Variants in DPYD observed in about 807,000 individuals in gnomAD.
DPYD encodes the protein dihydropyrimidine dehydrogenase, also known as dihydropyrimidine dehydrogenase [NADP(+)].
DPYD carries 109 observed loss-of-function variants against 116.2 expected under a neutral mutation model. The observed-to-expected ratio is 0.94, with a 90% CI of 0.80 to 1.10. The LOEUF (loss-of-function observed/expected upper bound fraction) is 1.10. Among genes scored for constraint, DPYD ranks in the 50% least tolerant of loss-of-function variants. The probability of loss-of-function intolerance (pLI) is 0.00; values close to 1 mark genes in which losing one functional copy is unlikely to be tolerated. For missense variants in DPYD, 1,302 were observed against 1,254.5 expected (o/e 1.04, Z -0.57); for synonymous variants, 440 against 432.0 (o/e 1.02, Z -0.23).
chr1:97,301,199 T>G (rs1250316643), intron 18 of DPYD, among the ~76,000 whole-genome samples: 3 of 152,022 alleles, frequency 2.0e-5, no homozygotes, highest in African/African-American at 7.2e-5. Flanking sequence ...AACTTTGAGC[T>G]GAAACAGAAA....
At position 97,341,065 on chromosome 1, in the gene DPYD, T is replaced by C. The variant is rs1292158476; in HGVS notation, c.2058+32496A>G. ...GTAAAGGCTAGTTACCAAGAGAAAT[T>C]GAAGGAGGAGTACCATGACATTAGG... On this transcript the variant is annotated intron_variant, in intron 16 of 22. Transcript: ENST00000370192. 2.6e-5 allele frequency among the ~76,000 whole-genome samples: 4 copies of C among 152,282 alleles called. No homozygotes were observed. In the East Asian group the frequency reaches 7.7e-4, roughly 29 times the overall value.
intron 14 of DPYD, among the ~76,000 whole-genome samples, chr1:97,392,925 C>T (rs552004453): frequency 4.6e-5 from 7 of 152,020 alleles, no homozygotes; most frequent in Non-Finnish European, 8.8e-5. Context: ...CATCTGACTT[C>T]CTCTCATGAT....
At chr1:97,134,540 A>C (rs766702210) in intron 20 of DPYD, among the ~76,000 whole-genome samples, 20 of 152,188 alleles carry the variant, frequency 1.3e-4, no homozygotes, top group Non-Finnish European at 2.6e-4. Flanking sequence ...AATTAAATGA[A>C]TTGAATTAAC....
rs186906986 is a variant in DPYD at position 97,601,244 on chromosome 1, G to A, written c.851-6078C>T. Among the ~76,000 whole-genome samples the A allele has an allele frequency of 2.2e-3, 333 of 152,066 alleles. 4 individuals carry two copies. Among genetic ancestry groups the A allele is most frequent in the African/African-American group, 7.5e-3 (310 of 41,510 alleles). On this transcript the variant is annotated intron_variant, in intron 8 of 22. Transcript: ENST00000370192. ...TCTTTGGAAAATTAGGTAGAAAAGT[G>A]CACATAAAGCATGCTGGTAAATCTA...
intron 3 of DPYD, among the ~76,000 whole-genome samples, chr1:97,777,093 A>G (rs1666450417): frequency 6.6e-6 from 1 of 152,204 alleles, no homozygotes; most frequent in Non-Finnish European, 1.5e-5. Flanking sequence ...AATAACTGCA[A>G]CAATTATTTA....
chr1:97,501,123 G>A (rs1182675091), intron 13 of DPYD, among the ~76,000 whole-genome samples: 3 of 152,036 alleles, frequency 2.0e-5, no homozygotes, highest in African/African-American at 7.2e-5. Context: ...AGTTCTGGAC[G>A]GAGAAGTGGG....
intron 3 of DPYD, among the ~76,000 whole-genome samples, chr1:97,821,300 C>A (rs1248825620): frequency 7.5e-6 from 1 of 132,660 alleles, no homozygotes; most frequent in Admixed American, 8.8e-5. Flanking sequence ...CAATGCACTC[C>A]AGCCTGGACA....
intron 3 of DPYD, among the ~76,000 whole-genome samples, chr1:97,822,421 A>T (rs1311450669): frequency 6.7e-6 from 1 of 148,404 alleles, no homozygotes; most frequent in African/African-American, 2.5e-5. Flanking sequence ...TAATATATAC[A>T]TTTATATATA....
intron 16 of DPYD, among the ~76,000 whole-genome samples, chr1:97,350,771 A>C (rs1670097154): frequency 6.6e-6 from 1 of 152,178 alleles, no homozygotes; most frequent in Non-Finnish European, 1.5e-5. Context: ...CCAAGTGTTT[A>C]TGTTATAACT....
At chr1:97,781,380 GC>G (rs1331606035) in intron 3 of DPYD, among the ~76,000 whole-genome samples, 1 of 152,154 alleles carries the variant, frequency 6.6e-6, no homozygotes, top group East Asian at 1.9e-4. Flanking sequence ...TTTCTGAGAT[GC>G]CCCAGGGAAT....
intron 5 of DPYD, among the ~76,000 whole-genome samples, chr1:97,706,870 T>C (rs536067778): frequency 3.9e-5 from 6 of 152,180 alleles, no homozygotes; most frequent in Admixed American, 6.6e-5. Flanking sequence ...TTGGGGTAAA[T>C]TGCCAGATCA....
At chr1:97,157,725 T>A (rs1655577192) in intron 20 of DPYD, among the ~76,000 whole-genome samples, 1 of 152,172 alleles carries the variant, frequency 6.6e-6, no homozygotes, top group Admixed American at 6.6e-5. Context: ...TTTCAATTTC[T>A]GTGGAATACA....
At chr1:97,612,086 C>T (rs181831558) in intron 8 of DPYD, among the ~76,000 whole-genome samples, 65 of 152,116 alleles carry the variant, frequency 4.3e-4, no homozygotes, top group African/African-American at 1.5e-3. Context: ...CCTATTTCCA[C>T]AGATCCCCTT....
intron 8 of DPYD, among the ~76,000 whole-genome samples, chr1:97,675,417 G>T (rs573060020): frequency 1.3e-5 from 2 of 152,256 alleles, no homozygotes; most frequent in East Asian, 3.9e-4. Flanking sequence ...GTACTTAGAA[G>T]AAGCTAAACT....
At chr1:97,106,051 A>T (rs1176584047) in intron 20 of DPYD, among the ~76,000 whole-genome samples, 1 of 152,156 alleles carries the variant, frequency 6.6e-6, no homozygotes, top group African/African-American at 2.4e-5. Flanking sequence ...GTGTATGGGA[A>T]CACCAGATAT....
chr1:97,170,562 C>T (rs1459481831), intron 20 of DPYD, among the ~76,000 whole-genome samples: 1 of 152,150 alleles, frequency 6.6e-6, no homozygotes, highest in Non-Finnish European at 1.5e-5. Context: ...GAGAACAAGG[C>T]AATTTGCAGG....
chr1:97,364,376 C>T lies in DPYD; in HGVS notation c.2058+9185G>A, dbSNP rs1360576586. 2.0e-5 allele frequency among the ~76,000 whole-genome samples: 3 copies of T among 151,954 alleles called. No homozygotes were observed. The East Asian group carries it at 5.8e-4, about 29-fold the overall frequency. ...ATGAGGACTTTCAAAACTGAATAGA[C>T]CCAGTAGCAACAAATAGGGAGAAAG... On this transcript the variant is annotated intron_variant, in intron 16 of 22. Coordinates refer to ENST00000370192, the MANE Select transcript of DPYD (RefSeq NM_000110.4).
chr1:97,714,004 CATG>C (rs1271930183), intron 5 of DPYD, among the ~76,000 whole-genome samples: 2 of 151,994 alleles, frequency 1.3e-5, no homozygotes, highest in Admixed American at 6.6e-5. Flanking sequence ...TTTTCATTAT[CATG>C]ATAATTTATC....
At chr1:97,209,186 C>T (rs1659876883) in intron 19 of DPYD, among the ~76,000 whole-genome samples, 1 of 152,042 alleles carries the variant, frequency 6.6e-6, no homozygotes, top group South Asian at 2.1e-4. Flanking sequence ...AATCAATATA[C>T]TACAGGTTTT....
Sources: allele counts gnomAD v4.1 joint callset (sites outside exome capture counted in the v4.1 genomes callset), GRCh38; gene constraint gnomAD v4.1.1; transcripts MANE v1.5; gene names NCBI Gene and HGNC (gene_info 2026-07-23, HGNC 2026-07-21).